GALNT17: variants seen among roughly 807,000 people sequenced by gnomAD.
GALNT17 encodes UDP-GalNAc:polypeptide N-acetylgalactosaminyltransferase-like 3.
GALNT17 carries 29 observed loss-of-function variants against 63.7 expected under a neutral mutation model. That is an observed-to-expected ratio of 0.46 (90% confidence interval 0.34 to 0.62). The LOEUF (loss-of-function observed/expected upper bound fraction) is 0.62. Among genes scored for constraint, GALNT17 ranks in the 20% least tolerant of loss-of-function variants. The probability of loss-of-function intolerance (pLI) is 0.01; values close to 1 mark genes in which losing one functional copy is unlikely to be tolerated. For synonymous variants in GALNT17, 305 were observed against 318.3 expected (o/e 0.96, Z 0.45); for missense variants, 603 against 799.6 (o/e 0.75, Z 2.97).
chr7:71,270,965 A>G (rs1039996351), intron 1 of GALNT17, among the ~76,000 whole-genome samples: 33 of 140,872 alleles, frequency 2.3e-4, no homozygotes, highest in South Asian at 2.4e-4. Context: ...AAAAGAAAAG[A>G]AAAAAAAAGA....
chr7:71,495,140 G>T (rs1036211072), intron 5 of GALNT17, among the ~76,000 whole-genome samples: 1 of 152,146 alleles, frequency 6.6e-6, no homozygotes, highest in African/African-American at 2.4e-5. Context: ...GCTGGGCATG[G>T]TGGTGCACAC....
chr7:71,376,087 A>AG (rs1792717269), intron 2 of GALNT17, among the ~76,000 whole-genome samples: 1 of 148,126 alleles, frequency 6.8e-6, no homozygotes, highest in Admixed American at 6.9e-5. Context: ...TCCAAAAAAA[A>AG]GAAAAAGAAA....
chr7:71,539,899 CTTTCTGCCCCA>C (rs1788860322), intron 5 of GALNT17, among the ~76,000 whole-genome samples: 1 of 151,078 alleles, frequency 6.6e-6, no homozygotes, highest in African/African-American at 2.4e-5. Flanking sequence ...GTAGCTGGAA[CTTTCTGCCCCA>C]ACCTTCCAAG....
At chr7:71,545,629 G>C (rs1466898078) in intron 5 of GALNT17, among the ~76,000 whole-genome samples, 2 of 152,192 alleles carry the variant, frequency 1.3e-5, no homozygotes, top group Non-Finnish European at 2.9e-5. Flanking sequence ...TGGGATTATA[G>C]GCATGAGCCA....
chr7:71,139,692 T>A (rs1438407284), intron 1 of GALNT17, among the ~76,000 whole-genome samples: 2 of 151,372 alleles, frequency 1.3e-5, no homozygotes, highest in East Asian at 3.9e-4. Flanking sequence ...CAAGGTGGAG[T>A]CAGAAAGAGA....
intron 1 of GALNT17, among the ~76,000 whole-genome samples, chr7:71,199,347 A>G (rs1789118381): frequency 6.6e-6 from 1 of 152,152 alleles, no homozygotes; most frequent in East Asian, 1.9e-4. Context: ...TTTGTAACCC[A>G]TTGGCATATG....
Position 71,394,791 on chromosome 7 carries a change from A to G in GALNT17, c.589+6390A>G, listed in dbSNP as rs112450662. 4.4e-3 allele frequency among the ~76,000 whole-genome samples: 664 copies of G among 152,226 alleles called. 5 individuals are homozygous for G. Among genetic ancestry groups the G allele is most frequent in the Non-Finnish European group, 7.3e-3 (498 of 68,016 alleles). On this transcript the variant is annotated intron_variant, in intron 3 of 10. Coordinates refer to ENST00000333538, the MANE Select transcript of GALNT17 (RefSeq NM_022479.3). ...CTTCTGATTGAGATGTAATTCACAT[A>G]CCATAAAATATACTATAAAAATAAA...
At chr7:71,467,483 G>A (rs1787555111) in intron 5 of GALNT17, among the ~76,000 whole-genome samples, 1 of 152,116 alleles carries the variant, frequency 6.6e-6, no homozygotes, top group African/African-American at 2.4e-5. Flanking sequence ...GCAAAGTCAT[G>A]CCTGGGAGAT....
chr7:71,621,976 G>C (rs1790301764), intron 6 of GALNT17, among the ~76,000 whole-genome samples: 1 of 152,206 alleles, frequency 6.6e-6, no homozygotes, highest in Non-Finnish European at 1.5e-5. Flanking sequence ...GCAGCTGCTT[G>C]ATTTTCCCTC....
At chr7:71,423,834 G>A (rs1786710153) in intron 5 of GALNT17, among the ~76,000 whole-genome samples, 1 of 152,054 alleles carries the variant, frequency 6.6e-6, no homozygotes, top group South Asian at 2.1e-4. Flanking sequence ...AGGAAGGAGG[G>A]TTGCTGGAGC....
chr7:71,525,930 G>A (rs1281764268), intron 5 of GALNT17, among the ~76,000 whole-genome samples: 3 of 151,328 alleles, frequency 2.0e-5, no homozygotes, highest in Admixed American at 1.3e-4. Context: ...AGTAGAAACA[G>A]GATTTTGCCA....
chr7:71,636,555 G>A (rs193110640), intron 6 of GALNT17, among the ~76,000 whole-genome samples: 48 of 152,318 alleles, frequency 3.2e-4, no homozygotes, highest in Admixed American at 7.2e-4. Context: ...AGCAGGCGAC[G>A]TCATCAGCTG....
intron 1 of GALNT17, among the ~76,000 whole-genome samples, chr7:71,173,759 C>T (rs1028810705): frequency 4.0e-5 from 6 of 151,700 alleles, no homozygotes; most frequent in African/African-American, 1.2e-4. Context: ...TGCGATAGGG[C>T]GAGACTCTGT....
chr7:71,239,675 A>C, intron 1 of GALNT17, among the ~76,000 whole-genome samples: 1 of 152,106 alleles, frequency 6.6e-6, no homozygotes, highest in East Asian at 1.9e-4. Flanking sequence ...GGATCTCTGA[A>C]ACGGCACAGC....
chr7:71,326,897 A>C (rs1044105685), intron 1 of GALNT17, among the ~76,000 whole-genome samples: 10 of 152,222 alleles, frequency 6.6e-5, no homozygotes, highest in Admixed American at 3.9e-4. Flanking sequence ...GACATTCATC[A>C]GTAGAGATTC....
chr7:71,660,227 A>G (rs1252557767), intron 6 of GALNT17, among the ~76,000 whole-genome samples: 1 of 152,070 alleles, frequency 6.6e-6, no homozygotes, highest in Non-Finnish European at 1.5e-5. Context: ...AAGCAGGGCC[A>G]CTTCCCCACT....
At chr7:71,316,429 A>G (rs1406112706) in intron 1 of GALNT17, among the ~76,000 whole-genome samples, 1 of 152,132 alleles carries the variant, frequency 6.6e-6, no homozygotes, top group Non-Finnish European at 1.5e-5. Context: ...ATTAACCAGC[A>G]TAGTATTGAT....
At chr7:71,448,340 A>G (rs139952127) in intron 5 of GALNT17, among the ~76,000 whole-genome samples, 2 of 151,258 alleles carry the variant, frequency 1.3e-5, no homozygotes, top group East Asian at 3.9e-4. Context: ...CATTGTTGAT[A>G]TCCTTACTTC....
chr7:71,574,444 G>A (rs1049105736), intron 6 of GALNT17, among the ~76,000 whole-genome samples: 1 of 152,134 alleles, frequency 6.6e-6, no homozygotes, highest in Non-Finnish European at 1.5e-5. Context: ...GCCTCTTACA[G>A]TACTTCAAGG....
Sources: allele counts gnomAD v4.1 joint callset (sites outside exome capture counted in the v4.1 genomes callset), GRCh38; gene constraint gnomAD v4.1.1; transcripts MANE v1.5; gene names NCBI Gene and HGNC (gene_info 2026-07-23, HGNC 2026-07-21).